Variants in CEP290 observed in about 807,000 individuals in gnomAD.
CEP290 encodes centrosomal protein of 290 kDa.
Under a neutral mutation model 344.9 loss-of-function variants are expected in CEP290, and 317 were observed. That is an observed-to-expected ratio of 0.92 (90% confidence interval 0.84 to 1.01). The LOEUF (loss-of-function observed/expected upper bound fraction) is 1.01. Among genes scored for constraint, CEP290 ranks in the 50% least tolerant of loss-of-function variants. CEP290 has a pLI of 0.00. For synonymous variants in CEP290, 932 were observed against 895.8 expected (o/e 1.04, Z -0.72); for missense variants, 2,754 against 2,761.4 (o/e 1.00, Z 0.06).
intron 33 of CEP290, 24 bp from the exon 34 acceptor site, chr12:88,086,197 T>TA (rs1324362749): frequency 6.3e-7 from 1 of 1,599,184 alleles, no homozygotes; most frequent in African/African-American, 1.4e-5. Flanking sequence ...GTATGTTTTT[T>TA]AAAAAAGCAG....
In CEP290 at chr12:88,079,119, G is replaced by A. The variant is rs1367796637; in HGVS notation, c.5337C>T (p.Ile1779=). 10 of 1,592,546 alleles carry A rather than the reference G, an allele frequency of 6.3e-6. No individual in the cohort carries two copies. The highest frequency in any genetic ancestry group is 2.3e-5 in the South Asian group (2 of 85,812). ...TTAGCTCTCTAGTATGTCGATCAAC[G>A]ATTTGTTGAACATTGAGATGGGCCT... ...QKEAHLNVQQ[I]VDRHTRELKT... is the part of the protein sequence containing the mutation. The change falls in exon 39 of 54, where the codon ATC becomes ATT. Residue 1779 remains isoleucine (I), a synonymous_variant. Transcript: ENST00000552810.
At chr12:88,107,899 C>T (rs1408421009) in intron 23 of CEP290, among the ~76,000 whole-genome samples, 1 of 145,794 alleles carries the variant, frequency 6.9e-6, no homozygotes, top group Non-Finnish European at 1.5e-5. Flanking sequence ...AAGACTCTGT[C>T]TCAAGGAAAA....
At chr12:88,102,255 T>TTTTATTCTACATTAAATAAA (rs2037946183) in intron 26 of CEP290, among the ~76,000 whole-genome samples, 1 of 152,226 alleles carries the variant, frequency 6.6e-6, no homozygotes, top group South Asian at 2.1e-4. Flanking sequence ...TTTTTTTATT[T>TTTTATTCTACATTAAATAAA]TTTATTCTAC....
In CEP290 at chr12:88,129,860, T is replaced by C. The variant is rs886139335; in HGVS notation, c.686A>G (p.Asn229Ser). The C allele has an allele frequency of 2.1e-6, 3 of 1,455,332 alleles. No homozygotes were observed. The highest frequency in any genetic ancestry group is 2.8e-5 in the South Asian group (2 of 70,200). 90.2% of individuals were successfully genotyped at this position (1,455,332 alleles called of 1,614,324 possible). Reference protein sequence around the residue: ...LDEIQTLTEANEKIEVQNQEM... With the variant: ...LDEIQTLTEASEKIEVQNQEM... ...TTGATTCTGAACTTCAATTTTCTCA[T>C]TAGCTTCTGTTAAAGTCTAAAAAAG... The change falls in exon 10 of 54, where the codon AAT (asparagine) becomes AGT (serine). Residue 229 changes from asparagine (N) to serine (S), a missense_variant. Transcript: ENST00000552810.
At position 88,079,238 on chromosome 12, in the gene CEP290, T is replaced by TA; in HGVS notation, c.5227-10dup. 1 of 1,570,008 alleles carries TA rather than the reference T, an allele frequency of 6.4e-7. No homozygotes were observed. Among genetic ancestry groups the TA allele is most frequent in the South Asian group, 1.2e-5 (1 of 80,930 alleles). ...AGTGCCCGACTAAGTGCCTAAAAATTAACCAAAAAAAAAATGTAATTTTTA... is the reference window on the plus strand; with the variant it reads ...AGTGCCCGACTAAGTGCCTAAAAATTAAACCAAAAAAAAAATGTAATTTTTA... On this transcript the variant is annotated splice_polypyrimidine_tract_variant and intron_variant, in intron 38 of 53. Transcript: ENST00000552810.
At chr12:88,116,389 C>T (rs1346477903) in intron 18 of CEP290, among the ~76,000 whole-genome samples, 3 of 152,154 alleles carry the variant, frequency 2.0e-5, no homozygotes, top group Non-Finnish European at 4.4e-5. Flanking sequence ...GGATGCATTC[C>T]ACTTTCTACA....
At chr12:88,127,210 G>A (rs2039789057) in intron 11 of CEP290, among the ~76,000 whole-genome samples, 1 of 131,754 alleles carries the variant, frequency 7.6e-6, no homozygotes, top group South Asian at 2.5e-4. Context: ...TGTAAAAAAA[G>A]GCCAGGCAGA....
At position 88,114,453 on chromosome 12, in the gene CEP290, A is replaced by C; in HGVS notation, c.2019T>G (p.Ser673=). The change falls in exon 20 of 54, where the codon TCT becomes TCG. Residue 673 remains serine, a synonymous_variant. Transcript: ENST00000552810. Reference sequence around the variant, plus strand: ...GTCTTTCAAGGCTAGGGATAATTAGAGATGTTTCTCCTCCTTTAACATCAG... The same window carrying C: ...GTCTTTCAAGGCTAGGGATAATTAGCGATGTTTCTCCTCCTTTAACATCAG... ...KDPDVKGGET[S]LIIPSLERLV... is the part of the protein sequence containing the mutation. 6.5e-7 allele frequency: 1 copy of C among 1,547,170 alleles called. No homozygotes were observed. The highest frequency in any genetic ancestry group is 8.7e-7 in the Non-Finnish European group (1 of 1,145,274).
intron 25 of CEP290, among the ~76,000 whole-genome samples, chr12:88,105,805 T>C (rs1369946859): frequency 4.6e-5 from 7 of 152,064 alleles, no homozygotes; most frequent in Non-Finnish European, 8.8e-5. Context: ...CAGTGGCACA[T>C]GATCACAGCT....
chr12:88,111,498 T>A, intron 21 of CEP290, 147 bp from the exon 22 acceptor site: 1 of 898,698 alleles, frequency 1.1e-6, no homozygotes, highest in Non-Finnish European at 1.6e-6. Flanking sequence ...GATTTAGAAT[T>A]TTTGTATTCT....
chr12:88,141,731 A>T (rs2040687031), intron 1 of CEP290, among the ~76,000 whole-genome samples, 169 bp downstream of exon 1: 1 of 152,176 alleles, frequency 6.6e-6, no homozygotes, highest in Admixed American at 6.5e-5. Context: ...GCAGAAATTA[A>T]CATTTGGAAT....
Position 88,093,908 on chromosome 12 carries a change from T to C in CEP290, c.3171A>G (p.Lys1057=), listed in dbSNP as rs1421406658. ...ITNSDIVSIS[K]KITMLEMKEL... ...CCTTCATTTCCAGCATAGTTATTTTTTTTGAAATGGAAACAATGTCACTGT... is the reference window on the plus strand; with the variant it reads ...CCTTCATTTCCAGCATAGTTATTTTCTTTGAAATGGAAACAATGTCACTGT... Residue 1057 remains lysine (K), a synonymous_variant, in exon 28 of 54, where the codon AAA becomes AAG. Coordinates refer to ENST00000552810, the MANE Select transcript of CEP290 (RefSeq NM_025114.4). The C allele has an allele frequency of 6.2e-7, 1 of 1,612,912 alleles. No homozygotes were observed.
intron 13 of CEP290, among the ~76,000 whole-genome samples, chr12:88,121,631 T>A (rs186169844): frequency 0.027 from 3,751 of 139,470 alleles, 76 homozygotes; most frequent in Non-Finnish European, 0.042. Context: ...AAAAAAAAAA[T>A]GTTTTTAAAA....
At chr12:88,138,997 A>C in intron 5 of CEP290, 148 bp downstream of exon 5, 3 of 507,572 alleles carry the variant, frequency 5.9e-6, no homozygotes, top group Non-Finnish European at 7.2e-6. Flanking sequence ...GGCACATAAT[A>C]GGCATGTAGA....
chr12:88,101,678 C>A (rs894557618), intron 26 of CEP290, among the ~76,000 whole-genome samples: 4 of 145,576 alleles, frequency 2.7e-5, no homozygotes, highest in African/African-American at 1.0e-4. Context: ...AAAAAAAAAT[C>A]TTTAGGAAAG....
At chr12:88,059,654 G>A (rs1241715002) in intron 48 of CEP290, among the ~76,000 whole-genome samples, 1 of 152,036 alleles carries the variant, frequency 6.6e-6, no homozygotes, top group Non-Finnish European at 1.5e-5. Context: ...TGATCCACCC[G>A]CCTTGGCCTC....
chr12:88,077,472 A>C, intron 40 of CEP290, 128 bp from the exon 41 acceptor site: 2 of 697,060 alleles, frequency 2.9e-6, no homozygotes, highest in Non-Finnish European at 4.6e-6. Flanking sequence ...ATGACACTTA[A>C]TACATAAGAT....
At chr12:88,137,719 T>A (rs1405515234) in intron 5 of CEP290, among the ~76,000 whole-genome samples, 1 of 152,230 alleles carries the variant, frequency 6.6e-6, no homozygotes, top group Non-Finnish European at 1.5e-5. Flanking sequence ...AGTATACTAA[T>A]GCCCTTGGAA....
intron 25 of CEP290, among the ~76,000 whole-genome samples, chr12:88,105,738 C>G (rs1156241156): frequency 2.0e-5 from 3 of 151,822 alleles, no homozygotes; most frequent in Non-Finnish European, 4.4e-5. Context: ...TCTTCTTCTT[C>G]TTTTTTTCTT....
Sources: gnomAD v4.1 joint callset for allele counts (sites outside exome capture counted in the v4.1 genomes callset) on GRCh38, gnomAD v4.1.1 for gene constraint, MANE v1.5 for transcripts, NCBI Gene and HGNC (gene_info 2026-07-23, HGNC 2026-07-21) for gene names.